Variants in FBXO21 observed in about 807,000 individuals in gnomAD.
FBXO21 encodes F-box only protein 21.
A neutral mutation model predicts 76.6 loss-of-function variants in FBXO21; 32 were observed. The observed-to-expected ratio is 0.42, with a 90% confidence interval of 0.32 to 0.56. The LOEUF (loss-of-function observed/expected upper bound fraction) is 0.56. FBXO21 is among the 20% of genes least tolerant of loss of function. The pLI, the probability that FBXO21 is intolerant of heterozygous loss-of-function variation, is 0.16. For missense variants in FBXO21, 586 were observed against 797.3 expected (o/e 0.73, Z 3.19); for synonymous variants, 328 against 311.5 (o/e 1.05, Z -0.56).
chr12:117,174,461 A>G, intron 5 of FBXO21, 120 bp from the exon 6 acceptor site: 1 of 1,283,958 alleles, frequency 7.8e-7, no homozygotes, highest in Admixed American at 1.8e-5. Flanking sequence ...AGTGTTGCCA[A>G]TCTAGGAAGC....
intron 3 of FBXO21, among the ~76,000 whole-genome samples, chr12:117,180,640 CTTTT>C (rs1051713165): frequency 6.6e-6 from 1 of 150,608 alleles, no homozygotes; most frequent in African/African-American, 2.4e-5. Context: ...TTTTTTTTTT[CTTTT>C]GAGACGGAGT....
intron 3 of FBXO21, among the ~76,000 whole-genome samples, chr12:117,178,480 TC>T (rs1956195908): frequency 6.6e-6 from 1 of 151,920 alleles, no homozygotes; most frequent in African/African-American, 2.4e-5. Context: ...AATCCTCGCC[TC>T]CAAGTCTCCA....
intron 1 of FBXO21, 59 bp downstream of exon 1, chr12:117,190,159 C>T: frequency 3.0e-6 from 3 of 986,718 alleles, no homozygotes; most frequent in Non-Finnish European, 3.7e-6. Context: ...GGCGGCTGCC[C>T]GGCCCCGGGG....
At chr12:117,159,805 G>A (rs75070289) in intron 9 of FBXO21, among the ~76,000 whole-genome samples, 6,173 of 152,244 alleles carry the variant, frequency 0.041, 450 homozygotes, top group African/African-American at 0.14. Flanking sequence ...CATCAGATAA[G>A]TAAAATGGTC....
chr12:117,150,461 CACACATAGGCAGCTAGATACCCT>C (rs1336638873), intron 11 of FBXO21, among the ~76,000 whole-genome samples: 3 of 152,228 alleles, frequency 2.0e-5, no homozygotes, highest in Non-Finnish European at 4.4e-5. Context: ...CCTGTGAGCA[CACACATAGGCAGCTAGATACCCT>C]AAGTATACTT....
intron 6 of FBXO21, 118 bp downstream of exon 6, chr12:117,174,087 T>TGATC: frequency 1.2e-6 from 1 of 830,564 alleles, no homozygotes; most frequent in Non-Finnish European, 2.0e-6. Context: ...CGGTAAGCTA[T>TGATC]GATCGCGCCA....
intron 4 of FBXO21, among the ~76,000 whole-genome samples, chr12:117,176,270 T>C (rs1273234377): frequency 6.6e-6 from 1 of 152,072 alleles, no homozygotes; most frequent in Non-Finnish European, 1.5e-5. Context: ...AAGTAGTCAG[T>C]GGAAATTTAA....
At chr12:117,164,762 T>C (rs1956032459) in intron 9 of FBXO21, among the ~76,000 whole-genome samples, 1 of 152,236 alleles carries the variant, frequency 6.6e-6, no homozygotes, top group Non-Finnish European at 1.5e-5. Context: ...GATGAGTTTA[T>C]GTTGATGGCC....
intron 11 of FBXO21, among the ~76,000 whole-genome samples, chr12:117,147,771 C>G (rs187334941): frequency 1.8e-4 from 27 of 152,220 alleles, no homozygotes; most frequent in Middle Eastern, 3.4e-3. Context: ...GGGTGTGGCC[C>G]CTGATGCAGG....
chr12:117,153,895 C>T (rs922455900), intron 11 of FBXO21, among the ~76,000 whole-genome samples: 1 of 152,146 alleles, frequency 6.6e-6, no homozygotes, highest in Admixed American at 6.5e-5. Flanking sequence ...TATGACTAAA[C>T]CTTACATTGC....
At chr12:117,184,011 C>T (rs919083588) in intron 3 of FBXO21, among the ~76,000 whole-genome samples, 1 of 151,836 alleles carries the variant, frequency 6.6e-6, no homozygotes, top group Non-Finnish European at 1.5e-5. Flanking sequence ...GCTACTGATG[C>T]AGCTATTTTT....
chr12:117,175,347 C>T (rs12298285), intron 4 of FBXO21, among the ~76,000 whole-genome samples: 27,232 of 152,264 alleles, frequency 0.18, 3,140 homozygotes, highest in Admixed American at 0.34. Context: ...GCTCGGGGAA[C>T]CTACAGCTGA....
At chr12:117,167,641 T>TACACA (rs1316953758) in intron 7 of FBXO21, among the ~76,000 whole-genome samples, 1 of 151,508 alleles carries the variant, frequency 6.6e-6, no homozygotes, top group Non-Finnish European at 1.5e-5. Context: ...CTCGGGAGGC[T>TACACA]GAGGCAGAAG....
chr12:117,162,865 G>A (rs1336027676), intron 9 of FBXO21, among the ~76,000 whole-genome samples: 1 of 152,188 alleles, frequency 6.6e-6, no homozygotes, highest in African/African-American at 2.4e-5. Context: ...CCACGTGCAG[G>A]CTGTTCCCAC....
intron 2 of FBXO21, among the ~76,000 whole-genome samples, chr12:117,187,564 A>G (rs989599573): frequency 1.1e-4 from 16 of 152,162 alleles, no homozygotes; most frequent in Admixed American, 9.2e-4. Context: ...ATCCCGGGCC[A>G]AAGCAATCAC....
chr12:117,166,243 T>C (rs913212119), intron 8 of FBXO21, among the ~76,000 whole-genome samples: 1 of 152,058 alleles, frequency 6.6e-6, no homozygotes, highest in African/African-American at 2.4e-5. Context: ...GAGGATATTT[T>C]TGGCCAGTGA....
Position 117,179,346 on chromosome 12 carries a change from C to T in FBXO21, c.471-1705G>A, listed in dbSNP as rs544041316. 2.6e-5 allele frequency among the ~76,000 whole-genome samples: 4 copies of T among 152,352 alleles called. No individual in the cohort carries two copies. The East Asian group carries it at 7.7e-4, about 29-fold the overall frequency. On this transcript the variant is annotated intron_variant, in intron 3 of 11. Coordinates refer to ENST00000622495, the MANE Select transcript of FBXO21 (RefSeq NM_015002.3). ...TCACAAACCACACCTCTATGGTCAT[C>T]ACTTTCTTGCTTTTCTCTTTAGTAT...
At chr12:117,188,121 G>C (rs12422760) in intron 2 of FBXO21, among the ~76,000 whole-genome samples, 30,859 of 152,146 alleles carry the variant, frequency 0.2, 3,489 homozygotes, top group East Asian at 0.43. Flanking sequence ...AAACAAAAAA[G>C]TGAAATAAAT....
intron 11 of FBXO21, among the ~76,000 whole-genome samples, chr12:117,153,148 T>C (rs1340769481): frequency 2.6e-5 from 4 of 151,670 alleles, no homozygotes; most frequent in African/African-American, 7.3e-5. Context: ...CTAAGGAAAA[T>C]GCCCGGTTGG....
Sources: allele counts gnomAD v4.1 joint callset (sites outside exome capture counted in the v4.1 genomes callset), GRCh38; gene constraint gnomAD v4.1.1; transcripts MANE v1.5; gene names NCBI Gene and HGNC (gene_info 2026-07-23, HGNC 2026-07-21).